Variants in GRID1 observed in about 807,000 individuals in gnomAD.
The protein encoded by GRID1 is glutamate ionotropic receptor delta type subunit 1, also known as glutamate receptor ionotropic, delta-1.
GRID1 carries 28 observed loss-of-function variants against 98.0 expected under a neutral mutation model. The ratio of observed to expected loss-of-function variants is 0.29; its 90% CI spans 0.21 to 0.39. The LOEUF (loss-of-function observed/expected upper bound fraction) is 0.39, where lower values mean the gene tolerates loss of function less well. Among genes scored for constraint, GRID1 ranks in the 10% least tolerant of loss-of-function variants. GRID1 has a pLI of 1.00. For synonymous variants in GRID1, 553 were observed against 538.5 expected (o/e 1.03, Z -0.37); for missense variants, 1,111 against 1,340.5 (o/e 0.83, Z 2.67).
At chr10:86,363,698 C>G (rs1225933867) in intron 2 of GRID1, among the ~76,000 whole-genome samples, 7 of 152,218 alleles carry the variant, frequency 4.6e-5, no homozygotes, top group African/African-American at 1.7e-4. Flanking sequence ...GGGCGCCACG[C>G]AACCCGCAAG....
chr10:86,324,812 C>CT (rs552225989), intron 2 of GRID1, among the ~76,000 whole-genome samples: 9 of 149,012 alleles, frequency 6.0e-5, no homozygotes, highest in Admixed American at 1.3e-4. Context: ...CATGACATAA[C>CT]TTTTTTTTTT....
intron 5 of GRID1, among the ~76,000 whole-genome samples, chr10:85,876,864 G>T (rs574634612): frequency 6.6e-6 from 1 of 152,296 alleles, no homozygotes; most frequent in African/African-American, 2.4e-5. Flanking sequence ...CAAAGAAAGG[G>T]GTGACAGATG....
At chr10:86,288,910 C>T (rs906144229) in intron 2 of GRID1, among the ~76,000 whole-genome samples, 17 of 152,320 alleles carry the variant, frequency 1.1e-4, no homozygotes, top group African/African-American at 4.1e-4. Flanking sequence ...CCCACCACTC[C>T]CCAGCACTTA....
chr10:86,307,670 G>C (rs1442890936), intron 2 of GRID1, among the ~76,000 whole-genome samples: 1 of 152,136 alleles, frequency 6.6e-6, no homozygotes, highest in Non-Finnish European at 1.5e-5. Context: ...TTTACTAAGA[G>C]AGAATTTCTT....
At chr10:86,181,715 G>T (rs1459887630) in intron 3 of GRID1, among the ~76,000 whole-genome samples, 3 of 152,174 alleles carry the variant, frequency 2.0e-5, no homozygotes, top group Non-Finnish European at 1.5e-5. Context: ...AGCTTATGGG[G>T]TCTATGAGCC....
chr10:86,276,744 C>A (rs1199620605), intron 2 of GRID1, among the ~76,000 whole-genome samples: 1 of 152,164 alleles, frequency 6.6e-6, no homozygotes, highest in African/African-American at 2.4e-5. Context: ...CCTGCCTCAA[C>A]CTCCCAAAGT....
intron 4 of GRID1, among the ~76,000 whole-genome samples, chr10:85,988,858 A>G (rs1489679093): frequency 6.6e-6 from 1 of 152,142 alleles, no homozygotes; most frequent in Non-Finnish European, 1.5e-5. Context: ...CACAGAAATG[A>G]CTCCCATGAA....
At chr10:85,669,818 A>T (rs1216402489) in intron 12 of GRID1, among the ~76,000 whole-genome samples, 10 of 152,170 alleles carry the variant, frequency 6.6e-5, no homozygotes, top group Admixed American at 6.5e-4. Context: ...AGCTCTTTCA[A>T]CCAAGTTTAC....
chr10:86,186,016 G>T (rs1387547582), intron 3 of GRID1, among the ~76,000 whole-genome samples: 1 of 152,108 alleles, frequency 6.6e-6, no homozygotes, highest in Admixed American at 6.5e-5. Flanking sequence ...TAAATATTTG[G>T]CAGAATTAAC....
intron 13 of GRID1, among the ~76,000 whole-genome samples, chr10:85,639,216 C>A (rs1352796319): frequency 6.6e-6 from 1 of 152,100 alleles, no homozygotes; most frequent in Non-Finnish European, 1.5e-5. Flanking sequence ...TTTATTCATA[C>A]AATAGAATAT....
At chr10:85,698,778 A>G (rs1336065186) in intron 12 of GRID1, among the ~76,000 whole-genome samples, 1 of 152,142 alleles carries the variant, frequency 6.6e-6, no homozygotes, top group Non-Finnish European at 1.5e-5. Flanking sequence ...AATGAATAAG[A>G]CCTTTTGTTG....
chr10:86,337,913 G>A (rs561636053), intron 2 of GRID1, among the ~76,000 whole-genome samples: 2 of 152,136 alleles, frequency 1.3e-5, no homozygotes, highest in South Asian at 4.2e-4. Flanking sequence ...TCGCCATGTT[G>A]GCCAGGCTGG....
chr10:85,723,812 A>G (rs1249628991), intron 11 of GRID1, among the ~76,000 whole-genome samples: 8 of 152,300 alleles, frequency 5.3e-5, no homozygotes. Flanking sequence ...AGCATTTGCC[A>G]TGGTGCAAAC....
chr10:86,058,432 A>G (rs966142928), intron 4 of GRID1, among the ~76,000 whole-genome samples: 2 of 152,232 alleles, frequency 1.3e-5, no homozygotes, highest in African/African-American at 4.8e-5. Context: ...TGATCTTTTA[A>G]GATAACTTTC....
chr10:86,162,510 T>C (rs988109457), intron 3 of GRID1, among the ~76,000 whole-genome samples: 1 of 152,216 alleles, frequency 6.6e-6, no homozygotes, highest in African/African-American at 2.4e-5. Flanking sequence ...CTTGTTTGTC[T>C]TCAGAAGCTT....
Position 86,206,445 on chromosome 10 carries a change from C to A in GRID1, c.439G>T (p.Val147Phe). The change falls in exon 3 of 16, where the codon GTC becomes TTC. Residue 147 changes from valine (V) to phenylalanine (F), a missense_variant. By Grantham distance (50) the Val-to-Phe change is conservative. Coordinates refer to ENST00000327946, the MANE Select transcript of GRID1 (RefSeq NM_017551.3). This position sits in a 1 kb window ranked among gnomAD's most constrained non-coding sequence, Gnocchi z 4.1. ...CTGAGCATGACATCATTGAGGCGGA[C>A]GGGTGGTCTCGAAGCCAGTGTGTAG... ...EAYTLASRPP[V>F]RLNDVMLRLV... The A allele has an allele frequency of 6.2e-7, 1 of 1,614,104 alleles. No individual in the cohort carries two copies.
intron 8 of GRID1, among the ~76,000 whole-genome samples, chr10:85,826,406 C>G (rs1247829668): frequency 6.6e-6 from 1 of 152,066 alleles, no homozygotes; most frequent in East Asian, 1.9e-4. Context: ...TTTTAAAAAC[C>G]AATAAAATGA....
chr10:85,854,840 C>T (rs1335495562), intron 7 of GRID1, among the ~76,000 whole-genome samples: 1 of 152,210 alleles, frequency 6.6e-6, no homozygotes, highest in African/African-American at 2.4e-5. Context: ...AAGGCTTGCA[C>T]CTGTCATTCA....
At chr10:86,019,152 C>A (rs927149186) in intron 4 of GRID1, among the ~76,000 whole-genome samples, 1 of 152,220 alleles carries the variant, frequency 6.6e-6, no homozygotes, top group Non-Finnish European at 1.5e-5. Flanking sequence ...GAACTAGAGG[C>A]CTAGCAGCTG....
Sources: allele counts gnomAD v4.1 joint callset (sites outside exome capture counted in the v4.1 genomes callset), GRCh38; gene constraint gnomAD v4.1.1; non-coding constraint Gnocchi (gnomAD v3.1); transcripts MANE v1.5; gene names NCBI Gene and HGNC (gene_info 2026-07-23, HGNC 2026-07-21).